The following MAK16 variants were observed in gnomAD, a reference collection of about 807,000 sequenced individuals.
MAK16 encodes the protein MAK16 homolog, also known as protein MAK16 homolog.
Under a neutral mutation model 49.9 loss-of-function variants are expected in MAK16, and 12 were observed. The observed-to-expected ratio is 0.24, with a 90% CI of 0.15 to 0.39. The LOEUF (loss-of-function observed/expected upper bound fraction) is 0.39. Ranked by LOEUF, MAK16 falls within the 10% of genes least tolerant of loss-of-function variation. The pLI is 1.00. For missense variants in MAK16, 292 were observed against 363.7 expected, an observed-to-expected ratio of 0.80 and a Z score of 1.60; for synonymous variants, 115 against 126.4, an observed-to-expected ratio of 0.91 and a Z score of 0.60.
Position 33,500,565 on chromosome 8 carries a change from C to T in MAK16, c.*1936C>T. 6.4e-7 allele frequency: 1 copy of T among 1,555,428 alleles called. No individual in the cohort carries two copies. Among genetic ancestry groups the T allele is most frequent in the South Asian group, 1.2e-5 (1 of 86,274 alleles). On this transcript the variant is annotated 3_prime_UTR_variant, in exon 10 of 10. Coordinates refer to ENST00000360128, the MANE Select transcript of MAK16 (RefSeq NM_032509.4). ...AATTGGAAGAGACTTCAAAGACTGT[C>T]AAGTGGAAAGCTATCATTTCCTAAA... is the stretch of plus-strand genomic sequence containing the variant.
chr8:33,497,633 C>A (rs1202507302), intron 9 of MAK16, among the ~76,000 whole-genome samples: 1 of 151,894 alleles, frequency 6.6e-6, no homozygotes, highest in Non-Finnish European at 1.5e-5. Flanking sequence ...GCTGGAATTA[C>A]AGGCATGTGC....
At chr8:33,490,532 T>C (rs1414481907) in intron 6 of MAK16, among the ~76,000 whole-genome samples, 193 bp downstream of exon 6, 1 of 152,238 alleles carries the variant, frequency 6.6e-6, no homozygotes, top group African/African-American at 2.4e-5. Flanking sequence ...AAAGTATGTG[T>C]GCTTTGGGGA....
intron 1 of MAK16, among the ~76,000 whole-genome samples, chr8:33,486,789 C>T (rs560663247): frequency 7.2e-4 from 110 of 152,156 alleles, no homozygotes; most frequent in African/African-American, 2.5e-3. Context: ...ACTGTTCTTA[C>T]GAGGGATGTG....
At position 33,496,748 on chromosome 8, in the gene MAK16, C is replaced by A; in HGVS notation, c.639+7C>A. The A allele has an allele frequency of 6.3e-7, 1 of 1,594,126 alleles. No individual in the cohort carries two copies. The highest frequency in any genetic ancestry group is 1.1e-5 in the South Asian group (1 of 88,884). On this transcript the variant is annotated splice_region_variant and intron_variant, in intron 8 of 9. Coordinates refer to ENST00000360128, the MANE Select transcript of MAK16 (RefSeq NM_032509.4). ...TGATGATGATGATGAGGAAGTAAGT[C>A]TTGTTTTTGTTTTGCCAAACCTACT...
rs138536812 is a variant in MAK16 at position 33,496,735 on chromosome 8, T to G, written c.633T>G (p.Asp211Glu). Residue 211 changes from aspartate (D) to glutamate (E), a missense_variant, in exon 8 of 10, where the codon GAT becomes GAG. By Grantham distance (45) the Asp-to-Glu change is conservative (BLOSUM62 2). Transcript: ENST00000360128. ...AGGAAAAAGATGATGATGATGATGA[T>G]GAGGAAGTAAGTCTTGTTTTTGTTT... Reference protein sequence around the residue: ...DTEEKDDDDDDEEDVGKREFV... With the variant: ...DTEEKDDDDDEEEDVGKREFV... 32 of 1,600,702 alleles carry G rather than the reference T, an allele frequency of 2.0e-5. No individual in the cohort carries two copies. Among genetic ancestry groups the G allele is most frequent in the Middle Eastern group, 1.6e-4 (1 of 6,064 alleles).
In MAK16 at chr8:33,496,749, T is replaced by C. The variant is rs1348604966; in HGVS notation, c.639+8T>C. 1 of 1,590,362 alleles carries C rather than the reference T, an allele frequency of 6.3e-7. No individual in the cohort carries two copies. Among genetic ancestry groups the C allele is most frequent in the African/African-American group, 1.3e-5 (1 of 74,696 alleles). Reference sequence around the variant, plus strand: ...GATGATGATGATGAGGAAGTAAGTCTTGTTTTTGTTTTGCCAAACCTACTA... The same window carrying C: ...GATGATGATGATGAGGAAGTAAGTCCTGTTTTTGTTTTGCCAAACCTACTA... On this transcript the variant is annotated splice_region_variant and intron_variant, in intron 8 of 9. Coordinates refer to ENST00000360128, the MANE Select transcript of MAK16 (RefSeq NM_032509.4).
chr8:33,493,937 A>C (rs531546697), intron 6 of MAK16, among the ~76,000 whole-genome samples: 8 of 152,190 alleles, frequency 5.3e-5, no homozygotes, highest in African/African-American at 1.2e-4. Flanking sequence ...TTTTCAAAAA[A>C]CAATTGTCTT....
In MAK16 at chr8:33,489,911, G is replaced by A. The variant is rs922558617; in HGVS notation, c.393-374G>A. On this transcript the variant is annotated intron_variant, in intron 5 of 9. Transcript: ENST00000360128. The surrounding 1 kb of genome is among the most constrained non-coding windows in gnomAD (Gnocchi z 4.2). Reference sequence around the variant, plus strand: ...AATGCTAAAGATGATGTCAGACTTCGACAGAAAATTCTTTTTTCTTAGTTC... The same window carrying A: ...AATGCTAAAGATGATGTCAGACTTCAACAGAAAATTCTTTTTTCTTAGTTC... 2.6e-5 allele frequency among the ~76,000 whole-genome samples: 4 copies of A among 152,160 alleles called. No individual in the cohort carries two copies. The highest frequency in any genetic ancestry group is 7.2e-5 in the African/African-American group (3 of 41,438).
In MAK16 at chr8:33,488,839, G is replaced by C. The variant is rs763976613; in HGVS notation, c.240+41G>C. On this transcript the variant is annotated intron_variant, in intron 4 of 9. Coordinates refer to ENST00000360128, the MANE Select transcript of MAK16 (RefSeq NM_032509.4). ...AAACTACAGTGACCGCTGATCAAGA[G>C]CATCAAAGCCACATGCTTGACCATG... 3.7e-6 allele frequency: 6 copies of C among 1,610,440 alleles called. No homozygotes were observed. In the East Asian group the frequency reaches 8.9e-5, roughly 24 times the overall value.
Position 33,498,846 on chromosome 8 carries a change from G to A in MAK16, c.*217G>A, listed in dbSNP as rs1258538640. On this transcript the variant is annotated 3_prime_UTR_variant, in exon 10 of 10. Transcript: ENST00000360128. ...ACAAGAGTGTTTTTATAGCATATGT[G>A]TTGAAGTAACAGCTTGTGCCCGAGA... The A allele has an allele frequency of 3.3e-6, 2 of 597,142 alleles. No homozygotes were observed. Among genetic ancestry groups the A allele is most frequent in the Non-Finnish European group, 5.9e-6 (2 of 340,800 alleles). 37.0% of individuals were successfully genotyped at this position (597,142 alleles called of 1,614,324 possible).
rs1287793565 is a variant in MAK16, at chr8:33,489,195, T to G, written c.392+56T>G. ...ATCTCTCTTTTTATGGAGCTTGTTT[T>G]GAAGTTGAGAAATTGTGAAACTTCG... On this transcript the variant is annotated intron_variant, in intron 5 of 9. Coordinates refer to ENST00000360128, the MANE Select transcript of MAK16 (RefSeq NM_032509.4). This position sits in a 1 kb window ranked among gnomAD's most constrained non-coding sequence, Gnocchi z 4.2. 4.0e-6 allele frequency: 6 copies of G among 1,518,324 alleles called. No individual in the cohort carries two copies. In the African/African-American group the frequency reaches 4.2e-5, roughly 11 times the overall value. 94.1% of individuals were successfully genotyped at this position (1,518,324 alleles called of 1,614,324 possible). A position where few individuals can be genotyped will look rare whatever the true frequency, so the allele number is the denominator to read the frequency against.
At position 33,500,357 on chromosome 8, in the gene MAK16, G is replaced by A; in HGVS notation, c.*1728G>A. On this transcript the variant is annotated 3_prime_UTR_variant, in exon 10 of 10. Coordinates refer to ENST00000360128, the MANE Select transcript of MAK16 (RefSeq NM_032509.4). ...ACCCGTCCTTGAGAACAGCGGTCCA[G>A]GAGAATCAGGCAGTCTGTGGCCTCC... 1 of 1,614,162 alleles carries A rather than the reference G, an allele frequency of 6.2e-7. No individual in the cohort carries two copies. Among genetic ancestry groups the A allele is most frequent in the Non-Finnish European group, 8.5e-7 (1 of 1,180,022 alleles).
chr8:33,488,864 G>C (rs181983814), intron 4 of MAK16, 66 bp downstream of exon 4: 1 of 1,601,934 alleles, frequency 6.2e-7, no homozygotes, highest in African/African-American at 1.3e-5. Context: ...GCTTGACCAT[G>C]ATGCCCAATT....
chr8:33,485,604 G>A (rs964317290), intron 1 of MAK16: 21 of 319,312 alleles, frequency 6.6e-5, no homozygotes, highest in Non-Finnish European at 3.0e-5. Flanking sequence ...ATCCATGTGC[G>A]CGTTACTCTT....
chr8:33,487,054 A>G (rs966876814), intron 1 of MAK16, among the ~76,000 whole-genome samples: 1 of 152,164 alleles, frequency 6.6e-6, no homozygotes, highest in African/African-American at 2.4e-5. Context: ...TGCCCTCTTC[A>G]TATTTTTCCT....
intron 8 of MAK16, 67 bp downstream of exon 8, chr8:33,496,808 T>A: frequency 8.4e-7 from 1 of 1,185,224 alleles, no homozygotes; most frequent in East Asian, 2.6e-5. Flanking sequence ...AAACAGAATA[T>A]CATCTTCAGT....
intron 7 of MAK16, among the ~76,000 whole-genome samples, chr8:33,496,386 A>C (rs558381319): frequency 6.6e-6 from 1 of 152,320 alleles, no homozygotes; most frequent in Admixed American, 6.5e-5. Flanking sequence ...TACATTTTAA[A>C]TTATTTTAAA....
intron 1 of MAK16, among the ~76,000 whole-genome samples, chr8:33,487,863 A>G (rs776643026): frequency 1.3e-5 from 2 of 152,230 alleles, no homozygotes; most frequent in Non-Finnish European, 2.9e-5. Flanking sequence ...TCTCTGGGTA[A>G]TGGAGTTATG....
At chr8:33,497,661 T>C (rs141296679) in intron 9 of MAK16, among the ~76,000 whole-genome samples, 2,306 of 151,778 alleles carry the variant, frequency 0.015, 53 homozygotes, top group African/African-American at 0.046. Context: ...CCCGGCTAAT[T>C]TTTTGTATTT....
Sources: allele counts gnomAD v4.1 joint callset (sites outside exome capture counted in the v4.1 genomes callset), GRCh38; gene constraint gnomAD v4.1.1; non-coding constraint Gnocchi (gnomAD v3.1); transcripts MANE v1.5; gene names NCBI Gene and HGNC (gene_info 2026-07-23, HGNC 2026-07-21).